Variants in GSK3B observed in about 807,000 individuals in gnomAD.
The protein encoded by GSK3B is glycogen synthase kinase-3 beta.
A neutral mutation model predicts 56.4 loss-of-function variants in GSK3B; 15 were observed. That is an observed-to-expected ratio of 0.27 (90% CI 0.18 to 0.41). The LOEUF (loss-of-function observed/expected upper bound fraction) is 0.41. GSK3B is among the 10% of genes least tolerant of loss of function. The pLI, the probability that GSK3B is intolerant of heterozygous loss-of-function variation, is 1.00. For synonymous variants in GSK3B, 181 were observed against 188.9 expected, an observed-to-expected ratio of 0.96 and a Z score of 0.34; for missense variants, 300 against 513.4, an observed-to-expected ratio of 0.58 and a Z score of 4.02.
rs2055512622 is a variant in GSK3B at position 119,826,641 on chromosome 3, GAAC to G, written c.*144_*146del. On this transcript the variant is annotated 3_prime_UTR_variant, in exon 11 of 11. Coordinates refer to ENST00000264235, the MANE Select transcript of GSK3B (RefSeq NM_001146156.2). ...ATAGATATTTTACAAGGTTAAATAAGAACAACAATAATAATAAAAAAATTGAAC... is the reference window on the plus strand; with the variant it reads ...ATAGATATTTTACAAGGTTAAATAAGAACAATAATAATAAAAAAATTGAAC... 3.7e-6 allele frequency: 2 copies of G among 539,220 alleles called. No homozygotes were observed. The highest frequency in any genetic ancestry group is 7.3e-6 in the Non-Finnish European group (2 of 275,734). 33.4% of individuals were successfully genotyped at this position (539,220 alleles called of 1,614,324 possible).
intron 2 of GSK3B, among the ~76,000 whole-genome samples, chr3:119,967,948 C>T (rs1262495863): frequency 1.3e-5 from 2 of 151,910 alleles, no homozygotes; most frequent in Non-Finnish European, 2.9e-5. Context: ...CTCTGCCTCC[C>T]GGATTCAAGC....
At chr3:120,083,875 A>C (rs929145077) in intron 1 of GSK3B, among the ~76,000 whole-genome samples, 1 of 152,244 alleles carries the variant, frequency 6.6e-6, no homozygotes, top group Non-Finnish European at 1.5e-5. Flanking sequence ...AACAGTCATA[A>C]ATGGCCATGT....
At chr3:119,959,665 C>A (rs2057251494) in intron 2 of GSK3B, among the ~76,000 whole-genome samples, 1 of 151,934 alleles carries the variant, frequency 6.6e-6, no homozygotes. Flanking sequence ...CACGCGTGTA[C>A]CACCATGCCC....
chr3:120,029,415 T>G (rs565695798), intron 1 of GSK3B: 1 of 747,266 alleles, frequency 1.3e-6, no homozygotes, highest in Admixed American at 1.8e-5. Context: ...AGCAAATATC[T>G]TATGTTTTGT....
At chr3:119,852,352 A>T (rs1043371033) in intron 9 of GSK3B, among the ~76,000 whole-genome samples, 66 of 145,434 alleles carry the variant, frequency 4.5e-4, no homozygotes, top group South Asian at 4.4e-4. Flanking sequence ...TCAGAACTCT[A>T]TTTTTTTTTT....
chr3:119,970,453 G>A (rs1162281484), intron 2 of GSK3B, among the ~76,000 whole-genome samples: 1 of 151,880 alleles, frequency 6.6e-6, no homozygotes, highest in Admixed American at 6.6e-5. Flanking sequence ...CAAGCCTTGG[G>A]ATACCCTGCT....
intron 1 of GSK3B, among the ~76,000 whole-genome samples, chr3:120,016,778 T>C (rs761125211): frequency 9.9e-5 from 15 of 152,142 alleles, no homozygotes; most frequent in Non-Finnish European, 1.8e-4. Context: ...ATCAGAAACA[T>C]GCTAATTTTC....
At chr3:120,091,004 C>T (rs2058507825) in intron 1 of GSK3B, among the ~76,000 whole-genome samples, 1 of 152,150 alleles carries the variant, frequency 6.6e-6, no homozygotes, top group South Asian at 2.1e-4. Context: ...TCTACCAGTT[C>T]AAGTTACCAC....
chr3:119,992,965 A>G (rs1250424194), intron 2 of GSK3B, among the ~76,000 whole-genome samples: 3 of 152,048 alleles, frequency 2.0e-5, no homozygotes, highest in Admixed American at 6.5e-5. Context: ...AGGCACTCAT[A>G]CTTAACTAGA....
chr3:119,970,930 C>CTTCACTGTTT (rs1247906174), intron 2 of GSK3B, among the ~76,000 whole-genome samples: 1 of 152,176 alleles, frequency 6.6e-6, no homozygotes, highest in Non-Finnish European at 1.5e-5. Flanking sequence ...GAAAATATCA[C>CTTCACTGTTT]TTCACTGTTT....
chr3:119,974,666 C>T (rs2057395330), intron 2 of GSK3B, among the ~76,000 whole-genome samples: 1 of 152,112 alleles, frequency 6.6e-6, no homozygotes, highest in African/African-American at 2.4e-5. Context: ...TAAGACAAGA[C>T]CTGAACAGAT....
chr3:119,978,578 A>G, intron 2 of GSK3B, among the ~76,000 whole-genome samples: 1 of 152,182 alleles, frequency 6.6e-6, no homozygotes, highest in East Asian at 1.9e-4. Flanking sequence ...AGTGGGCAAC[A>G]GCAGCTCATC....
chr3:119,853,238 T>G (rs1467076209), intron 9 of GSK3B, among the ~76,000 whole-genome samples: 4 of 152,146 alleles, frequency 2.6e-5, no homozygotes, highest in Admixed American at 2.6e-4. Context: ...GGTTGTAGAT[T>G]GTGATATTAT....
At chr3:120,075,663 T>C (rs949589903) in intron 1 of GSK3B, among the ~76,000 whole-genome samples, 2 of 152,034 alleles carry the variant, frequency 1.3e-5, no homozygotes, top group Non-Finnish European at 2.9e-5. Context: ...TACTTAGGAA[T>C]AAATTTAACC....
Position 119,863,316 on chromosome 3 carries a change from T to C in GSK3B, c.1096+103A>G, listed in dbSNP as rs962521220. 9 of 873,122 alleles carry C rather than the reference T, an allele frequency of 1.0e-5. No individual in the cohort carries two copies. The South Asian group carries it at 1.2e-4, about 12-fold the overall frequency. 54.1% of individuals were successfully genotyped at this position (873,122 alleles called of 1,614,324 possible). ...TTTTCACCTACCTAAGTACTTAATA[T>C]GTCCGTTTTTGTCCTCCACAGATTT... is the stretch of plus-strand genomic sequence containing the variant. On this transcript the variant is annotated intron_variant, in intron 9 of 10. Coordinates refer to ENST00000264235, the MANE Select transcript of GSK3B (RefSeq NM_001146156.2).
At chr3:119,932,128 A>G (rs961294215) in intron 3 of GSK3B, among the ~76,000 whole-genome samples, 1 of 152,236 alleles carries the variant, frequency 6.6e-6, no homozygotes, top group Non-Finnish European at 1.5e-5. Context: ...ACTTGAGGTT[A>G]CATTTTTAAT....
chr3:119,932,835 T>C (rs537164837), intron 3 of GSK3B, among the ~76,000 whole-genome samples: 12 of 152,196 alleles, frequency 7.9e-5, no homozygotes, highest in African/African-American at 2.9e-4. Context: ...ATAGGCTGGG[T>C]ACGGTGGCTC....
intron 8 of GSK3B, among the ~76,000 whole-genome samples, chr3:119,875,028 T>C (rs1446991924): frequency 1.3e-5 from 2 of 152,052 alleles, no homozygotes; most frequent in East Asian, 3.8e-4. Context: ...AAATAAGCCT[T>C]GAATACAAAG....
At chr3:120,039,278 C>T (rs1392981912) in intron 1 of GSK3B, among the ~76,000 whole-genome samples, 2 of 152,228 alleles carry the variant, frequency 1.3e-5, no homozygotes, top group African/African-American at 4.8e-5. Flanking sequence ...CTGGAAGACA[C>T]ATCAGCAGTT....
Sources: gnomAD v4.1 joint callset for allele counts (sites outside exome capture counted in the v4.1 genomes callset) on GRCh38, gnomAD v4.1.1 for gene constraint, MANE v1.5 for transcripts, NCBI Gene and HGNC (gene_info 2026-07-23, HGNC 2026-07-21) for gene names.